RTN1: variants seen among roughly 807,000 people sequenced by gnomAD.
The protein encoded by RTN1 is reticulon 1, also known as reticulon-1.
RTN1 carries 25 observed loss-of-function variants against 65.5 expected under a neutral mutation model. The ratio of observed to expected loss-of-function variants is 0.38; its 90% CI spans 0.28 to 0.53. The LOEUF is 0.53. Among genes scored for constraint, RTN1 ranks in the 20% least tolerant of loss-of-function variants. The probability of loss-of-function intolerance (pLI) is 0.79; values close to 1 mark genes in which losing one functional copy is unlikely to be tolerated. For missense variants in RTN1, 983 were observed against 1,025.4 expected, an observed-to-expected ratio of 0.96 and a Z score of 0.57; for synonymous variants, 471 against 447.6, an observed-to-expected ratio of 1.05 and a Z score of -0.66.
intron 1 of RTN1, among the ~76,000 whole-genome samples, chr14:59,830,436 G>A (rs192618659): frequency 9.7e-4 from 148 of 152,282 alleles, no homozygotes; most frequent in Non-Finnish European, 1.7e-3. Flanking sequence ...TAGCAATAGG[G>A]AAAGTGATGA....
intron 1 of RTN1, among the ~76,000 whole-genome samples, chr14:59,770,378 C>CAAAAAAAAA (rs774086177): frequency 1.1e-4 from 6 of 53,734 alleles, no homozygotes; most frequent in South Asian, 7.4e-4. Context: ...AACTCTGCCT[C>CAAAAAAAAA]AAAAAAAAAA....
chr14:59,864,946 T>C (rs984390330), intron 1 of RTN1, among the ~76,000 whole-genome samples: 1 of 152,186 alleles, frequency 6.6e-6, no homozygotes, highest in Non-Finnish European at 1.5e-5. Context: ...ATATCAGCCA[T>C]CCTTTGAAAT....
chr14:59,817,616 A>G (rs767785836), intron 1 of RTN1, among the ~76,000 whole-genome samples: 2 of 144,886 alleles, frequency 1.4e-5, no homozygotes, highest in Admixed American at 1.4e-4. Flanking sequence ...CTATCTACAC[A>G]TTACCTCCCT....
intron 1 of RTN1, among the ~76,000 whole-genome samples, chr14:59,798,373 G>T (rs186276933): frequency 6.3e-4 from 96 of 152,200 alleles, no homozygotes; most frequent in Non-Finnish European, 1.2e-3. Context: ...TACTATAACT[G>T]TAACAAATTA....
intron 8 of RTN1, among the ~76,000 whole-genome samples, chr14:59,599,156 C>T (rs1201029280): frequency 2.0e-5 from 3 of 152,160 alleles, no homozygotes; most frequent in Non-Finnish European, 4.4e-5. Flanking sequence ...TTAAAACCCC[C>T]GAGGTATTTT....
At chr14:59,748,215 T>G (rs972250052) in intron 1 of RTN1, among the ~76,000 whole-genome samples, 1 of 151,422 alleles carries the variant, frequency 6.6e-6, no homozygotes, top group Non-Finnish European at 1.5e-5. Context: ...GTGAGGTTTT[T>G]TTTTTTTTTT....
chr14:59,663,559 G>A (rs1883297821), intron 3 of RTN1, among the ~76,000 whole-genome samples: 1 of 151,920 alleles, frequency 6.6e-6, no homozygotes, highest in Middle Eastern at 3.2e-3. Flanking sequence ...TACAGAATAG[G>A]AGAAAATTTT....
At chr14:59,621,153 T>G (rs1451642430) in intron 3 of RTN1, among the ~76,000 whole-genome samples, 1 of 152,228 alleles carries the variant, frequency 6.6e-6, no homozygotes, top group African/African-American at 2.4e-5. Context: ...TCCAGAAAAG[T>G]AGGTATTTGA....
chr14:59,755,073 C>T (rs149528091), intron 1 of RTN1, among the ~76,000 whole-genome samples: 42 of 152,218 alleles, frequency 2.8e-4, no homozygotes, highest in African/African-American at 5.1e-4. Flanking sequence ...TATTCTGACT[C>T]GCTAGGGTTG....
chr14:59,630,655 C>G, intron 3 of RTN1: 1 of 1,244,618 alleles, frequency 8.0e-7, no homozygotes, highest in Non-Finnish European at 1.0e-6. Context: ...CGGTGAGGGG[C>G]GGGAGCGTCG....
intron 1 of RTN1, among the ~76,000 whole-genome samples, chr14:59,764,416 G>A (rs148507292): frequency 6.6e-6 from 1 of 151,972 alleles, no homozygotes; most frequent in Non-Finnish European, 1.5e-5. Context: ...CGCCTCCTAG[G>A]TTCAAGCAGT....
intron 1 of RTN1, among the ~76,000 whole-genome samples, chr14:59,797,705 A>G (rs1886465209): frequency 1.3e-5 from 2 of 152,274 alleles, no homozygotes; most frequent in African/African-American, 4.8e-5. Flanking sequence ...TTAAAGCATT[A>G]TTTACTCATT....
At chr14:59,800,061 G>A (rs1475982106) in intron 1 of RTN1, among the ~76,000 whole-genome samples, 3 of 152,112 alleles carry the variant, frequency 2.0e-5, no homozygotes, top group South Asian at 2.1e-4. Flanking sequence ...GAACCCCTCC[G>A]TGGCACAGAT....
chr14:59,712,951 C>T (rs1884455315), intron 3 of RTN1, among the ~76,000 whole-genome samples: 1 of 151,804 alleles, frequency 6.6e-6, no homozygotes, highest in South Asian at 2.1e-4. Context: ...ATTAGATTCT[C>T]CCAAAGCCCC....
chr14:59,745,809 T>A lies in RTN1; in HGVS notation c.914A>T (p.Asp305Val), dbSNP rs560894239. 4 of 1,613,940 alleles carry A rather than the reference T, an allele frequency of 2.5e-6. No homozygotes were observed. Among genetic ancestry groups the A allele is most frequent in the South Asian group, 1.1e-5 (1 of 91,062 alleles). The change falls in exon 2 of 9, where the codon GAT becomes GTT. Residue 305 changes from aspartate (D) to valine (V), a missense_variant. By Grantham distance (152) the Asp-to-Val change is radical (BLOSUM62 -3). Transcript: ENST00000267484. The stretch of plus-strand genomic sequence containing the variant: ...GTCAGGACTTGGCTTTAGACATATA[T>A]CTTGCTTCTCAGGGGTCTTCTCTTG... Reference protein sequence around the residue: ...TTQEKTPEKQDICLKPSPDTV... With the variant: ...TTQEKTPEKQVICLKPSPDTV...
intron 1 of RTN1, among the ~76,000 whole-genome samples, chr14:59,762,892 A>T (rs1470284952): frequency 1.3e-5 from 2 of 152,230 alleles, no homozygotes; most frequent in African/African-American, 4.8e-5. Flanking sequence ...CTTTTAACAG[A>T]GTATGCCTTG....
At chr14:59,835,265 T>A (rs1416279293) in intron 1 of RTN1, among the ~76,000 whole-genome samples, 2 of 151,884 alleles carry the variant, frequency 1.3e-5, no homozygotes, top group Admixed American at 6.6e-5. Flanking sequence ...AAATAGCATA[T>A]ATGGTATGAT....
intron 3 of RTN1, among the ~76,000 whole-genome samples, chr14:59,672,204 G>A (rs1883520942): frequency 6.6e-6 from 1 of 152,148 alleles, no homozygotes; most frequent in Admixed American, 6.5e-5. Flanking sequence ...GGAAAAATGA[G>A]ACACTTGCTC....
At chr14:59,780,111 G>C (rs1489156394) in intron 1 of RTN1, among the ~76,000 whole-genome samples, 1 of 152,172 alleles carries the variant, frequency 6.6e-6, no homozygotes, top group African/African-American at 2.4e-5. Context: ...AGGATAAAGG[G>C]TGAAAAGCCA....
Sources: allele counts gnomAD v4.1 joint callset (sites outside exome capture counted in the v4.1 genomes callset), GRCh38; gene constraint gnomAD v4.1.1; transcripts MANE v1.5; gene names NCBI Gene and HGNC (gene_info 2026-07-23, HGNC 2026-07-21).